Variants in EXOC4 observed in about 807,000 individuals in gnomAD.
The protein encoded by EXOC4 is exocyst complex component 4.
EXOC4 carries 71 observed loss-of-function variants against 107.2 expected under a neutral mutation model. The observed-to-expected ratio is 0.66, with a 90% confidence interval of 0.55 to 0.81. EXOC4 has a LOEUF of 0.81. EXOC4 is among the 30% of genes least tolerant of loss of function. EXOC4 has a pLI of 0.00. For synonymous variants in EXOC4, 456 were observed against 441.2 expected (o/e 1.03, Z -0.42); for missense variants, 1,108 against 1,189.6 (o/e 0.93, Z 1.01).
chr7:133,830,080 A>G (rs892433809), intron 11 of EXOC4, among the ~76,000 whole-genome samples: 1 of 152,208 alleles, frequency 6.6e-6, no homozygotes, highest in African/African-American at 2.4e-5. Flanking sequence ...AATAGCTACA[A>G]AGTCAAATAC....
intron 14 of EXOC4, among the ~76,000 whole-genome samples, chr7:133,971,361 T>TATATAGAGAGAG (rs1489958236): frequency 7.9e-4 from 59 of 75,050 alleles, no homozygotes; most frequent in African/African-American, 2.5e-3. Context: ...TATATATATA[T>TATATAGAGAGAG]AGAGAGAGAG....
At chr7:133,976,418 A>C (rs79198429) in intron 14 of EXOC4, among the ~76,000 whole-genome samples, 1,819 of 152,326 alleles carry the variant, frequency 0.012, 48 homozygotes, top group African/African-American at 0.041. Context: ...GTGTTAAGGA[A>C]ATTTGCTGAA....
intron 10 of EXOC4, among the ~76,000 whole-genome samples, chr7:133,756,101 A>G (rs1795911677): frequency 1.3e-5 from 2 of 152,084 alleles, no homozygotes; most frequent in Admixed American, 1.3e-4. Flanking sequence ...CACTTGTACT[A>G]TTTTGTATTC....
At chr7:133,475,657 A>G (rs1276223794) in intron 8 of EXOC4, among the ~76,000 whole-genome samples, 184 bp downstream of exon 8, 1 of 152,190 alleles carries the variant, frequency 6.6e-6, no homozygotes, top group Non-Finnish European at 1.5e-5. Context: ...TGTTTTGGGT[A>G]CAGTTACTGG....
intron 13 of EXOC4, among the ~76,000 whole-genome samples, chr7:133,928,239 C>G (rs1180571741): frequency 6.6e-6 from 1 of 152,168 alleles, no homozygotes; most frequent in African/African-American, 2.4e-5. Context: ...GAAAGTCAGG[C>G]TGGCAGTGGT....
chr7:134,037,610 C>T (rs925772270), intron 17 of EXOC4, among the ~76,000 whole-genome samples: 3 of 152,024 alleles, frequency 2.0e-5, no homozygotes, highest in African/African-American at 7.2e-5. Flanking sequence ...CTTTGGTACC[C>T]GTGGCTTTAT....
At chr7:133,715,644 A>T (rs184995980) in intron 10 of EXOC4, among the ~76,000 whole-genome samples, 417 of 152,136 alleles carry the variant, frequency 2.7e-3, no homozygotes, top group Non-Finnish European at 3.5e-3. Context: ...TGAGGGCCTT[A>T]TCTCTGCTCT....
intron 7 of EXOC4, among the ~76,000 whole-genome samples, chr7:133,467,438 C>T (rs1014683313): frequency 6.6e-6 from 1 of 151,990 alleles, no homozygotes; most frequent in African/African-American, 2.4e-5. Context: ...GCCCCTAATC[C>T]CATTTCCTTC....
chr7:133,832,556 A>C (rs12707122), intron 11 of EXOC4, among the ~76,000 whole-genome samples: 45,473 of 152,066 alleles, frequency 0.3, 7,060 homozygotes, highest in South Asian at 0.43. Context: ...ATCATACAAG[A>C]AGTAGCTTTT....
chr7:133,694,397 C>T (rs574247703), intron 10 of EXOC4, among the ~76,000 whole-genome samples: 27 of 152,178 alleles, frequency 1.8e-4, no homozygotes, highest in African/African-American at 6.0e-4. Context: ...AACTTGAGAA[C>T]CGCTATAAAT....
intron 4 of EXOC4, among the ~76,000 whole-genome samples, chr7:133,312,389 C>T (rs972899278): frequency 1.3e-5 from 2 of 152,024 alleles, no homozygotes; most frequent in African/African-American, 4.8e-5. Flanking sequence ...TAGAAAATGT[C>T]AGACAGATAA....
chr7:133,544,572 T>C (rs942884826), intron 9 of EXOC4, among the ~76,000 whole-genome samples: 1 of 152,142 alleles, frequency 6.6e-6, no homozygotes, highest in African/African-American at 2.4e-5. Flanking sequence ...CAGTGTCAAA[T>C]GCCTTTTTCT....
intron 10 of EXOC4, among the ~76,000 whole-genome samples, chr7:133,724,430 A>G (rs1015576567): frequency 8.5e-5 from 13 of 152,150 alleles, no homozygotes; most frequent in African/African-American, 2.9e-4. Context: ...TCATAAGTTC[A>G]TTTACTCAGC....
intron 17 of EXOC4, among the ~76,000 whole-genome samples, chr7:134,056,388 A>T (rs1459615337): frequency 6.6e-6 from 1 of 152,232 alleles, no homozygotes; most frequent in East Asian, 1.9e-4. Flanking sequence ...AAAATCACAG[A>T]ACAAGAGGGT....
At chr7:133,787,955 T>TTTTATTTA (rs774395151) in intron 10 of EXOC4, among the ~76,000 whole-genome samples, 3 of 31,640 alleles carry the variant, frequency 9.5e-5, no homozygotes, top group South Asian at 2.0e-3. Context: ...GTGCATATAT[T>TTTTATTTA]TATATATTTA....
At chr7:133,465,784 AT>A (rs150006263) in intron 7 of EXOC4, among the ~76,000 whole-genome samples, 1 of 152,324 alleles carries the variant, frequency 6.6e-6, no homozygotes, top group Non-Finnish European at 1.5e-5. Flanking sequence ...TGAATATACC[AT>A]GGGTAACAGA....
chr7:133,869,050 C>T (rs189015950), intron 11 of EXOC4, among the ~76,000 whole-genome samples: 166 of 149,846 alleles, frequency 1.1e-3, no homozygotes, highest in African/African-American at 4.0e-3. Flanking sequence ...ATGCACTGCA[C>T]GTCCAGCCTT....
chr7:133,369,800 CTTTT>C (rs35258276), intron 6 of EXOC4, among the ~76,000 whole-genome samples: 2 of 86,640 alleles, frequency 2.3e-5, no homozygotes, highest in Non-Finnish European at 4.3e-5. Flanking sequence ...ACTAGATTTC[CTTTT>C]TTTTTTTTTT....
At chr7:134,035,796 G>T (rs1482364026) in intron 17 of EXOC4, among the ~76,000 whole-genome samples, 2 of 152,080 alleles carry the variant, frequency 1.3e-5, no homozygotes, top group Non-Finnish European at 2.9e-5. Flanking sequence ...TGTGGTACAG[G>T]GTTGCCTGCT....
Sources: gnomAD v4.1 joint callset for allele counts (sites outside exome capture counted in the v4.1 genomes callset) on GRCh38, gnomAD v4.1.1 for gene constraint, MANE v1.5 for transcripts, NCBI Gene and HGNC (gene_info 2026-07-23, HGNC 2026-07-21) for gene names.